Variants in RTTN observed in about 807,000 individuals in gnomAD.
RTTN encodes rotatin.
Under a neutral mutation model 269.2 loss-of-function variants are expected in RTTN, and 182 were observed. The ratio of observed to expected loss-of-function variants is 0.68; its 90% CI spans 0.60 to 0.76. The LOEUF is 0.76. RTTN is among the 30% of genes least tolerant of loss of function. The pLI is 0.00. For missense variants in RTTN, 2,545 were observed against 2,608.6 expected (o/e 0.98, Z 0.53); for synonymous variants, 1,006 against 963.5 (o/e 1.04, Z -0.82).
At chr18:70,086,984 T>C (rs969463829) in intron 31 of RTTN, among the ~76,000 whole-genome samples, 1 of 152,140 alleles carries the variant, frequency 6.6e-6, no homozygotes, top group Non-Finnish European at 1.5e-5. Context: ...AAATGATTTG[T>C]ATAACATAAA....
chr18:70,178,215 C>T (rs2061347453), intron 10 of RTTN, among the ~76,000 whole-genome samples: 1 of 151,950 alleles, frequency 6.6e-6, no homozygotes, highest in Non-Finnish European at 1.5e-5. Context: ...GGCGACAGAG[C>T]AAGACTCTGT....
intron 28 of RTTN, among the ~76,000 whole-genome samples, chr18:70,104,794 G>A (rs753063870): frequency 3.3e-5 from 5 of 152,332 alleles, no homozygotes; most frequent in African/African-American, 9.6e-5. Context: ...TATCACCAGC[G>A]GAGGCTGCAG....
At position 70,040,630 on chromosome 18, in the gene RTTN, T is replaced by C. The variant is rs530065525; in HGVS notation, c.5541+7341A>G. On this transcript the variant is annotated intron_variant, in intron 40 of 48. Coordinates refer to ENST00000640769, the MANE Select transcript of RTTN (RefSeq NM_173630.4). ...TGCACTAAAGACCAAACGGACCTAA[T>C]AGATATTTACCGAACATTTCATCTA... Among the ~76,000 whole-genome samples the C allele has an allele frequency of 1.4e-4, 22 of 152,342 alleles. 1 individual carries two copies. The highest frequency in any genetic ancestry group is 6.5e-4 in the Admixed American group (10 of 15,302).
chr18:70,205,511 G>A (rs371801122), intron 1 of RTTN, 117 bp downstream of exon 1: 3 of 1,427,196 alleles, frequency 2.1e-6, no homozygotes, highest in East Asian at 2.3e-5. Context: ...CTGACAAAGC[G>A]GGGGTGAAAG....
At chr18:70,196,237 T>C (rs923530026) in intron 7 of RTTN, among the ~76,000 whole-genome samples, 2 of 151,278 alleles carry the variant, frequency 1.3e-5, no homozygotes, top group East Asian at 1.9e-4. Flanking sequence ...CAACACTATA[T>C]AGAATCTCTG....
Position 70,030,916 on chromosome 18 carries a change from C to A in RTTN, c.5607G>T (p.Leu1869=), listed in dbSNP as rs745419623. ...KRVAANALMS[L]LAVSRRAQKH... is the part of the protein sequence containing the mutation. ...TCTGTGCTCTTCTACTGACAGCCAG[C>A]AGTGACATCAATGCATTTGCAGCTA... The change falls in exon 41 of 49, where the codon CTG becomes CTT. Residue 1869 remains leucine (L), a synonymous_variant. Coordinates refer to ENST00000640769, the MANE Select transcript of RTTN (RefSeq NM_173630.4). 23 of 1,613,560 alleles carry A rather than the reference C, an allele frequency of 1.4e-5. No homozygotes were observed. The highest frequency in any genetic ancestry group is 1.9e-5 in the Non-Finnish European group (23 of 1,179,864).
Position 70,092,780 on chromosome 18 carries a change from G to A in RTTN, c.3928C>T (p.Arg1310Cys), listed in dbSNP as rs767281966. The change falls in exon 29 of 49, where the codon CGT becomes TGT. Residue 1310 changes from arginine to cysteine, a missense_variant. Arg to Cys is a radical substitution (Grantham distance 180). Coordinates refer to ENST00000640769, the MANE Select transcript of RTTN (RefSeq NM_173630.4). ...ATGAAGGACATAGCATTTCCTCCAC[G>A]CTCCACATAAAAAGAAGTAATGACC... ...LEVITSFYVE[R>C]GGNAMSFMGK... The A allele has an allele frequency of 6.8e-6, 11 of 1,608,652 alleles. No individual in the cohort carries two copies. Among genetic ancestry groups the A allele is most frequent in the East Asian group, 2.2e-5 (1 of 44,744 alleles).
intron 40 of RTTN, 173 bp from the exon 41 acceptor site, chr18:70,031,154 C>CT: frequency 3.6e-6 from 2 of 562,372 alleles, no homozygotes; most frequent in Non-Finnish European, 6.2e-6. Context: ...GTGGATAAGA[C>CT]TGTATAAGTT....
rs545883049 is a variant in RTTN at position 70,054,836 on chromosome 18, C to T, written c.5032-552G>A. The stretch of plus-strand genomic sequence containing the variant: ...CCTGTTTCAAAAGAAAAAAAAAAGT[C>T]CCATATTTTTCAAGTAGTCAAATTA... On this transcript the variant is annotated intron_variant, in intron 37 of 48. Coordinates refer to ENST00000640769, the MANE Select transcript of RTTN (RefSeq NM_173630.4). Among the ~76,000 whole-genome samples, 20 of 151,826 alleles carry T rather than the reference C, an allele frequency of 1.3e-4. 1 individual carries two copies. The South Asian group carries it at 3.1e-3, about 24-fold the overall frequency.
rs1258811292 is a variant in RTTN, at chr18:70,019,214, G to C, written c.6153+1401C>G. On this transcript the variant is annotated intron_variant, in intron 45 of 48. Transcript: ENST00000640769. ...TTGAACATATCTTAGAGATTATTTTGTTAAACCCAAATGAAGCTGAAAGAG... is the reference window on the plus strand; with the variant it reads ...TTGAACATATCTTAGAGATTATTTTCTTAAACCCAAATGAAGCTGAAAGAG... 4 of 152,134 alleles carry C rather than the reference G, an allele frequency of 2.6e-5. No individual in the cohort carries two copies. The South Asian group carries it at 6.2e-4, about 24-fold the overall frequency. The allele number at this position is 152,134 out of a possible 1,614,324, so 9.4% of individuals were successfully genotyped here.
chr18:70,181,891 A>C (rs2061429707), intron 10 of RTTN, among the ~76,000 whole-genome samples: 1 of 152,222 alleles, frequency 6.6e-6, no homozygotes, highest in Admixed American at 6.5e-5. Context: ...TGGCACTTGT[A>C]CAACAGAATT....
chr18:70,056,698 G>C (rs1350457268), intron 37 of RTTN, among the ~76,000 whole-genome samples: 1 of 152,028 alleles, frequency 6.6e-6, no homozygotes, highest in South Asian at 2.1e-4. Context: ...CAACCTCAGG[G>C]GTCTTGCAAT....
chr18:70,135,712 C>A (rs2060108634), intron 21 of RTTN, among the ~76,000 whole-genome samples: 1 of 152,178 alleles, frequency 6.6e-6, no homozygotes, highest in Non-Finnish European at 1.5e-5. Flanking sequence ...CCCTTTACTA[C>A]AAACATGTGA....
intron 32 of RTTN, among the ~76,000 whole-genome samples, chr18:70,085,030 C>T (rs1289429398): frequency 6.6e-6 from 1 of 152,066 alleles, no homozygotes; most frequent in East Asian, 1.9e-4. Context: ...ATACTTATTT[C>T]AATAATTAAA....
chr18:70,053,303 C>A (rs2057727700), intron 38 of RTTN: 1 of 152,222 alleles, frequency 6.6e-6, no homozygotes. Context: ...ACCCTCTTCT[C>A]CCCAGAATCA....
chr18:70,205,600 C>T (rs1295355352), intron 1 of RTTN, 28 bp downstream of exon 1: 1 of 1,614,030 alleles, frequency 6.2e-7, no homozygotes, highest in South Asian at 1.1e-5. Flanking sequence ...CGGGGGGTGC[C>T]TTGGGCGAGG....
chr18:70,074,183 T>G (rs2058370420), intron 33 of RTTN, among the ~76,000 whole-genome samples, 189 bp from the exon 34 acceptor site: 1 of 151,592 alleles, frequency 6.6e-6, no homozygotes, highest in African/African-American at 2.4e-5. Flanking sequence ...TTAATGTGCA[T>G]AAGAATCACT....
rs150263124 is a variant in RTTN at position 70,128,095 on chromosome 18, A to G, written c.3143+263T>C. On this transcript the variant is annotated intron_variant, in intron 24 of 48. Transcript: ENST00000640769. ...TCCAGGACCCTTTTCCTAGTGATTC[A>G]TATCTACGAACAAATCAGACTTTAA... is the stretch of plus-strand genomic sequence containing the variant. 6.2e-3 allele frequency: 2,674 copies of G among 429,668 alleles called. 17 individuals are homozygous for G. Among genetic ancestry groups the G allele is most frequent in the Non-Finnish European group, 8.4e-3 (2,021 of 241,870 alleles). 26.6% of individuals were successfully genotyped at this position (429,668 alleles called of 1,614,324 possible). A position where few individuals can be genotyped will look rare whatever the true frequency, so the allele number is the denominator to read the frequency against.
At chr18:70,199,107 A>G (rs1046723340) in intron 5 of RTTN, among the ~76,000 whole-genome samples, 2 of 152,152 alleles carry the variant, frequency 1.3e-5, no homozygotes, top group Admixed American at 6.5e-5. Flanking sequence ...GAATCGCTTG[A>G]ACCCAGGAGG....
Sources: gnomAD v4.1 joint callset for allele counts (sites outside exome capture counted in the v4.1 genomes callset) on GRCh38, gnomAD v4.1.1 for gene constraint, MANE v1.5 for transcripts, NCBI Gene and HGNC (gene_info 2026-07-23, HGNC 2026-07-21) for gene names.